Variants in GMDS observed in about 807,000 individuals in gnomAD.
The protein encoded by GMDS is GDP-mannose 4,6 dehydratase.
In GMDS, 20 loss-of-function variants were observed where a neutral mutation model predicts 49.9. The observed-to-expected ratio is 0.40, with a 90% CI of 0.28 to 0.58. GMDS has a LOEUF of 0.58. GMDS is among the 20% of genes least tolerant of loss of function. The pLI is 0.42. For synonymous variants in GMDS, 177 were observed against 178.6 expected, an observed-to-expected ratio of 0.99 and a Z score of 0.07; for missense variants, 362 against 481.4, an observed-to-expected ratio of 0.75 and a Z score of 2.32.
chr6:1,909,049 C>T (rs748430007), intron 7 of GMDS, among the ~76,000 whole-genome samples: 1 of 152,102 alleles, frequency 6.6e-6, no homozygotes, highest in Non-Finnish European at 1.5e-5. Flanking sequence ...CACCAGAAAA[C>T]GCAGGATATT....
intron 1 of GMDS, among the ~76,000 whole-genome samples, chr6:2,151,223 C>T (rs961332978): frequency 6.6e-6 from 1 of 151,988 alleles, no homozygotes; most frequent in African/African-American, 2.4e-5. Flanking sequence ...GATGGACATT[C>T]CATTTACCCT....
intron 1 of GMDS, among the ~76,000 whole-genome samples, chr6:2,233,837 C>CA (rs1437759508): frequency 6.6e-6 from 1 of 152,092 alleles, no homozygotes; most frequent in East Asian, 1.9e-4. Flanking sequence ...AAAACAAAAA[C>CA]AAAAACAGGA....
intron 1 of GMDS, among the ~76,000 whole-genome samples, chr6:2,203,436 T>A (rs1779642968): frequency 6.6e-6 from 1 of 152,190 alleles, no homozygotes; most frequent in African/African-American, 2.4e-5. Context: ...GAGTCTTGTA[T>A]TAGCAGGAAA....
chr6:2,134,314 G>C (rs530022469), intron 1 of GMDS, among the ~76,000 whole-genome samples: 1 of 152,202 alleles, frequency 6.6e-6, no homozygotes, highest in South Asian at 2.1e-4. Context: ...CGGGGGCTTA[G>C]CTCTTATTCA....
At chr6:1,627,823 T>C (rs2113142744) in intron 9 of GMDS, among the ~76,000 whole-genome samples, 1 of 152,378 alleles carries the variant, frequency 6.6e-6, no homozygotes, top group South Asian at 2.1e-4. Flanking sequence ...TTAAAGTATT[T>C]CTATGTGAAT....
chr6:2,117,967 C>T (rs751877489), intron 2 of GMDS, among the ~76,000 whole-genome samples: 5 of 152,204 alleles, frequency 3.3e-5, no homozygotes, highest in Non-Finnish European at 5.9e-5. Context: ...GCCATCACAG[C>T]TTCTCAGTGG....
intron 1 of GMDS, among the ~76,000 whole-genome samples, chr6:2,240,229 C>A (rs1387730364): frequency 1.3e-5 from 2 of 152,196 alleles, no homozygotes; most frequent in Non-Finnish European, 2.9e-5. Context: ...ATAATAGATT[C>A]CCCATGCAAA....
intron 7 of GMDS, among the ~76,000 whole-genome samples, chr6:1,816,343 T>C (rs976845609): frequency 3.3e-5 from 5 of 152,208 alleles, no homozygotes; most frequent in African/African-American, 1.2e-4. Flanking sequence ...AGGAAATGGA[T>C]TCAGAGAGCT....
chr6:1,897,057 C>A (rs903667293), intron 7 of GMDS, among the ~76,000 whole-genome samples: 1 of 152,126 alleles, frequency 6.6e-6, no homozygotes, highest in Non-Finnish European at 1.5e-5. Flanking sequence ...AGCAGGTGAA[C>A]AAAGAGGTCT....
chr6:1,774,615 T>C (rs1456017044), intron 7 of GMDS, among the ~76,000 whole-genome samples: 1 of 152,242 alleles, frequency 6.6e-6, no homozygotes, highest in Non-Finnish European at 1.5e-5. Flanking sequence ...CTCGTCCTTC[T>C]GTCTGTCTCA....
chr6:2,230,296 C>A (rs1481061534), intron 1 of GMDS, among the ~76,000 whole-genome samples: 3 of 152,196 alleles, frequency 2.0e-5, no homozygotes, highest in Admixed American at 1.3e-4. Flanking sequence ...ATATTTACAT[C>A]TATTTTCTGA....
At chr6:1,969,058 A>C (rs559626701) in intron 4 of GMDS, among the ~76,000 whole-genome samples, 1 of 151,810 alleles carries the variant, frequency 6.6e-6, no homozygotes, top group African/African-American at 2.4e-5. Context: ...TCAGGAGATC[A>C]AGACCATCCT....
intron 4 of GMDS, among the ~76,000 whole-genome samples, chr6:1,988,471 G>A (rs183659005): frequency 2.4e-4 from 36 of 152,204 alleles, no homozygotes; most frequent in Admixed American, 6.5e-4. Context: ...GGCGGTGGGG[G>A]CGAGGGGGGC....
chr6:1,839,466 C>T (rs931034769), intron 7 of GMDS, among the ~76,000 whole-genome samples: 1 of 152,062 alleles, frequency 6.6e-6, no homozygotes, highest in African/African-American at 2.4e-5. Context: ...GTGAAATATA[C>T]CCTGGATTTA....
intron 4 of GMDS, among the ~76,000 whole-genome samples, chr6:2,089,966 C>A (rs778656800): frequency 3.9e-4 from 60 of 152,138 alleles, no homozygotes; most frequent in Non-Finnish European, 7.5e-4. Context: ...CCTTTGATTT[C>A]TGTGCCTTTG....
intron 9 of GMDS, among the ~76,000 whole-genome samples, chr6:1,627,888 C>T (rs1283326179): frequency 2.6e-5 from 4 of 152,196 alleles, no homozygotes; most frequent in African/African-American, 9.7e-5. Context: ...ATTGCTATTC[C>T]TTAGGTGAAC....
chr6:2,061,896 A>G (rs1341304409), intron 4 of GMDS, among the ~76,000 whole-genome samples: 2 of 152,110 alleles, frequency 1.3e-5, no homozygotes, highest in African/African-American at 4.8e-5. Flanking sequence ...ATTAGTCATT[A>G]TTTATCTTTA....
intron 1 of GMDS, among the ~76,000 whole-genome samples, chr6:2,136,693 C>T (rs1776020025): frequency 6.6e-6 from 1 of 152,086 alleles, no homozygotes; most frequent in Non-Finnish European, 1.5e-5. Context: ...TGCACTCAAC[C>T]TGGGTGACAG....
chr6:1,755,104 G>A (rs1002746888), intron 7 of GMDS, among the ~76,000 whole-genome samples: 1 of 152,220 alleles, frequency 6.6e-6, no homozygotes, highest in African/African-American at 2.4e-5. Flanking sequence ...TCTGTTTGCA[G>A]ATGACATGAT....
Sources: gnomAD v4.1 joint callset for allele counts (sites outside exome capture counted in the v4.1 genomes callset) on GRCh38, gnomAD v4.1.1 for gene constraint, MANE v1.5 for transcripts, NCBI Gene and HGNC (gene_info 2026-07-23, HGNC 2026-07-21) for gene names.